The following CDCA5 variants were observed in gnomAD, a reference collection of about 807,000 sequenced individuals.
CDCA5 encodes the protein sororin.
In CDCA5, 14 loss-of-function variants were observed where a neutral mutation model predicts 25.7. The observed-to-expected ratio is 0.54, with a 90% CI of 0.36 to 0.85. CDCA5 has a LOEUF of 0.85. Among genes scored for constraint, CDCA5 ranks in the 40% least tolerant of loss-of-function variants. CDCA5 has a pLI of 0.01. For missense variants in CDCA5, 307 were observed against 324.5 expected, an observed-to-expected ratio of 0.95 and a Z score of 0.41; for synonymous variants, 127 against 128.7, an observed-to-expected ratio of 0.99 and a Z score of 0.09.
rs1294181451 is a variant in CDCA5, at chr11:65,083,366, T to G, written c.241A>C (p.Arg81=). The change falls in exon 4 of 6, where the codon AGG becomes CGG. Residue 81 remains arginine (R), a splice_region_variant and synonymous_variant. Coordinates refer to ENST00000275517, the MANE Select transcript of CDCA5 (RefSeq NM_080668.4). ...PAVQSPRRSP[R]ISFFLEKENE... ...TAAGTAGATGAAAGTGAACTCACCC[T>G]AGGGCTCCTGCGAGGTGATTGGACA... The G allele has an allele frequency of 6.2e-7, 1 of 1,614,126 alleles. No homozygotes were observed. Among genetic ancestry groups the G allele is most frequent in the Non-Finnish European group, 8.5e-7 (1 of 1,179,996 alleles).
chr11:65,068,561 T>C (rs908441672), exon 2 of CDCA5: 2 of 1,289,430 alleles, frequency 1.6e-6, no homozygotes, highest in South Asian at 1.2e-5. Flanking sequence ...CACTGGCTTG[T>C]TGGCCAGCTT....
At chr11:65,076,203 C>A (rs1411129566), downstream of CDCA5, among the ~76,000 whole-genome samples, 2 of 152,198 alleles carry the variant, frequency 1.3e-5, no homozygotes, top group Non-Finnish European at 2.9e-5. Context: ...GTAGCCCCGA[C>A]CTCCCAGGCT....
chr11:65,061,644 G>A (rs1028854904), downstream of CDCA5, among the ~76,000 whole-genome samples: 8 of 151,616 alleles, frequency 5.3e-5, no homozygotes, highest in Admixed American at 1.3e-4. Flanking sequence ...GCGTGGTGGC[G>A]GGCACCTGTA....
Position 65,077,654 on chromosome 11 carries a change from T to G in CDCA5, c.*1453A>C, listed in dbSNP as rs1200139757. On this transcript the variant is annotated 3_prime_UTR_variant, in exon 6 of 6. Coordinates refer to ENST00000275517, the MANE Select transcript of CDCA5 (RefSeq NM_080668.4). ...ATCAGCCAGTGAGGACAAGAGTTCT[T>G]CAGTGCGGTTCAGCTCAAGGACACC... The G allele has an allele frequency of 1.0e-6, 1 of 985,476 alleles. No homozygotes were observed. The highest frequency in any genetic ancestry group is 1.2e-6 in the Non-Finnish European group (1 of 829,968). The allele number at this position is 985,476 out of a possible 1,614,324, so 61.0% of individuals were successfully genotyped here. A position where few individuals can be genotyped will look rare whatever the true frequency, so the allele number is the denominator to read the frequency against.
downstream of CDCA5, among the ~76,000 whole-genome samples, chr11:65,073,764 G>A (rs921383323): frequency 3.3e-5 from 5 of 152,128 alleles, no homozygotes; most frequent in African/African-American, 9.7e-5. Context: ...CAGAACTCAC[G>A]GGAAGAAGAG....
At chr11:65,065,362 G>A (rs1267634216), downstream of CDCA5, among the ~76,000 whole-genome samples, 1 of 152,042 alleles carries the variant, frequency 6.6e-6, no homozygotes, top group African/African-American at 2.4e-5. Flanking sequence ...ACCTTGGTGC[G>A]CTGAAACCTC....
Position 65,068,183 on chromosome 11 carries a change from C to T in CDCA5, c.178-65G>A. On this transcript the variant is annotated intron_variant, in intron 2 of 6. Transcript: ENST00000525464. ...GGCTGCTCACCCAAGAGCCTGGGTC[C>T]TCCCACACCCCCCATCCTTGCCATC... 1.6e-5 allele frequency: 16 copies of T among 1,018,512 alleles called. 1 individual carries two copies. In the Middle Eastern group the frequency reaches 9.6e-4, roughly 61 times the overall value. 63.1% of individuals were successfully genotyped at this position (1,018,512 alleles called of 1,614,324 possible).
chr11:65,074,815 A>C (rs1053058550), downstream of CDCA5, among the ~76,000 whole-genome samples: 8 of 151,068 alleles, frequency 5.3e-5, no homozygotes, highest in African/African-American at 1.9e-4. Flanking sequence ...TAATCCCAGC[A>C]CTTTAGGAGG....
intron 2 of CDCA5, 37 bp downstream of exon 2, chr11:65,083,592 G>T (rs1176352718): frequency 6.2e-7 from 1 of 1,614,168 alleles, no homozygotes; most frequent in Non-Finnish European, 8.5e-7. Context: ...TTAGGTGAGG[G>T]GCCACAAGGG....
At chr11:65,074,238 A>G (rs979719414), downstream of CDCA5, among the ~76,000 whole-genome samples, 1 of 151,906 alleles carries the variant, frequency 6.6e-6, no homozygotes, top group Admixed American at 6.6e-5. Flanking sequence ...ACGCCCACCT[A>G]ATTTTTCTAT....
downstream of CDCA5, among the ~76,000 whole-genome samples, chr11:65,074,892 T>C (rs961842579): frequency 6.6e-6 from 1 of 151,286 alleles, no homozygotes; most frequent in Non-Finnish European, 1.5e-5. Context: ...AGAAACCCCG[T>C]CTCTTACTAA....
intron 1 of CDCA5, among the ~76,000 whole-genome samples, chr11:65,070,270 G>T (rs940948064): frequency 6.6e-6 from 1 of 152,172 alleles, no homozygotes; most frequent in African/African-American, 2.4e-5. Context: ...GGCCCTGGAA[G>T]TGAGGAAGAG....
In CDCA5 at chr11:65,077,930, G is replaced by A. The variant is rs1947478624; in HGVS notation, c.*1177C>T. On this transcript the variant is annotated 3_prime_UTR_variant, in exon 6 of 6. Transcript: ENST00000275517. ...AAAAGGTACAATGGCCAGGGGTGCG[G>A]CAGGAGAGTCGGGGGCAGGGCAGCC... The A allele has an allele frequency of 1.4e-5, 14 of 985,462 alleles. 1 individual carries two copies. In the South Asian group the frequency reaches 6.6e-4, roughly 46 times the overall value. The allele number at this position is 985,462 out of a possible 1,614,324, so 61.0% of individuals were successfully genotyped here.
At chr11:65,081,633 G>A (rs1947569191) in intron 4 of CDCA5, among the ~76,000 whole-genome samples, 1 of 152,054 alleles carries the variant, frequency 6.6e-6, no homozygotes, top group Non-Finnish European at 1.5e-5. Context: ...CTTAGAGGGG[G>A]GAGAGAAAGA....
rs1037858766 is a variant in CDCA5 at position 65,078,058 on chromosome 11, G to A, written c.*1049C>T. On this transcript the variant is annotated 3_prime_UTR_variant, in exon 6 of 6. Coordinates refer to ENST00000275517, the MANE Select transcript of CDCA5 (RefSeq NM_080668.4). ...TCCAGGCAGTGTTCTCATGTGAGAG[G>A]ATAGGGAGGCCAAAAACTAAAATTG... 6.1e-6 allele frequency: 6 copies of A among 985,262 alleles called. No homozygotes were observed. Among genetic ancestry groups the A allele is most frequent in the South Asian group, 4.7e-5 (1 of 21,286 alleles). 61.0% of individuals were successfully genotyped at this position (985,262 alleles called of 1,614,324 possible).
chr11:65,069,933 C>G (rs1056630251), intron 1 of CDCA5, among the ~76,000 whole-genome samples: 3 of 152,210 alleles, frequency 2.0e-5, no homozygotes, highest in African/African-American at 7.2e-5. Context: ...TGCAGCTGAC[C>G]ACAGTGCGGG....
chr11:65,079,753 G>A lies in CDCA5; in HGVS notation c.278C>T (p.Pro93Leu), dbSNP rs1167475896. 6.7e-7 allele frequency: 1 copy of A among 1,489,212 alleles called. No individual in the cohort carries two copies. The allele number at this position is 1,489,212 out of a possible 1,614,324, so 92.2% of individuals were successfully genotyped here. The change falls in exon 5 of 6, where the codon CCT becomes CTT. Residue 93 changes from proline (P) to leucine (L), a missense_variant. Physicochemically the swap from Pro to Leu is moderately conservative, Grantham distance 98. Transcript: ENST00000275517. Reference protein sequence around the residue: ...SFFLEKENEPPGRELTKEDLF... With the variant: ...SFFLEKENEPLGRELTKEDLF... ...GTCCTCCTTAGTAAGCTCCCTGCCA[G>A]GGGGCTCGTTTTCTTTCTCCAAGAA...
chr11:65,061,865 A>G (rs567352084), downstream of CDCA5, among the ~76,000 whole-genome samples: 1 of 149,916 alleles, frequency 6.7e-6, no homozygotes, highest in Non-Finnish European at 1.5e-5. Flanking sequence ...CCGCAAGTAT[A>G]TGTCTCCAAT....
chr11:65,079,163 C>A lies in CDCA5; in HGVS notation c.703G>T (p.Ala235Ser). The change falls in exon 6 of 6, where the codon GCG becomes TCG. Residue 235 changes from alanine to serine, a missense_variant. Coordinates refer to ENST00000275517, the MANE Select transcript of CDCA5 (RefSeq NM_080668.4). ...ILKTELDEWA[A>S]AMNAEFEAAE... ...GCTTCAAACTCGGCATTCATGGCCG[C>A]AGCCCACTCATCCAGCTCCGTTTTC... The A allele has an allele frequency of 6.6e-7, 1 of 1,521,566 alleles. No individual in the cohort carries two copies. Among genetic ancestry groups the A allele is most frequent in the Non-Finnish European group, 8.8e-7 (1 of 1,135,942 alleles). 94.3% of individuals were successfully genotyped at this position (1,521,566 alleles called of 1,614,324 possible).
Sources: gnomAD v4.1 joint callset for allele counts (sites outside exome capture counted in the v4.1 genomes callset) on GRCh38, gnomAD v4.1.1 for gene constraint, MANE v1.5 for transcripts, NCBI Gene and HGNC (gene_info 2026-07-23, HGNC 2026-07-21) for gene names.